Variants in MIR2052HG observed in about 807,000 individuals in gnomAD.
MIR2052HG encodes MIR2052 host gene.
chr8:74,712,293 T>C (rs1222565866), intron 4 of MIR2052HG, among the ~76,000 whole-genome samples: 1 of 152,126 alleles, frequency 6.6e-6, no homozygotes, highest in Non-Finnish European at 1.5e-5. Flanking sequence ...TATGACTAGA[T>C]AGAGCATGGA....
At chr8:74,691,021 C>T (rs1220774919) in intron 2 of MIR2052HG, among the ~76,000 whole-genome samples, 9 of 151,892 alleles carry the variant, frequency 5.9e-5, no homozygotes, top group Admixed American at 5.9e-4. Context: ...ATTATTGGGT[C>T]GAGAACGTAA....
At chr8:74,723,110 A>C (rs12677250) in intron 4 of MIR2052HG, among the ~76,000 whole-genome samples, 1 of 152,228 alleles carries the variant, frequency 6.6e-6, no homozygotes, top group East Asian at 1.9e-4. Flanking sequence ...ATTTGGGCTC[A>C]TGAAGAAAAT....
intron 2 of MIR2052HG, among the ~76,000 whole-genome samples, chr8:74,675,894 G>A (rs536442266): frequency 1.3e-5 from 2 of 151,604 alleles, no homozygotes; most frequent in Non-Finnish European, 2.9e-5. Context: ...TATTAGTATC[G>A]GTCCGATAAA....
At chr8:74,615,502 C>T (rs1159252187) in intron 2 of MIR2052HG, among the ~76,000 whole-genome samples, 1 of 152,116 alleles carries the variant, frequency 6.6e-6, no homozygotes, top group Non-Finnish European at 1.5e-5. Flanking sequence ...ACTGTATCCA[C>T]TCTTCAAACT....
At chr8:74,667,245 G>C (rs1288283342) in intron 2 of MIR2052HG, among the ~76,000 whole-genome samples, 1 of 152,142 alleles carries the variant, frequency 6.6e-6, no homozygotes, top group Non-Finnish European at 1.5e-5. Context: ...TTGGAGCCTG[G>C]CTGTCACTAT....
intron 2 of MIR2052HG, chr8:74,625,220 T>C (rs1055979031): frequency 6.6e-6 from 1 of 152,096 alleles, no homozygotes; most frequent in South Asian, 2.1e-4. Context: ...CACCATGCCA[T>C]GTTAATTTTT....
chr8:74,603,295 C>T (rs1406263331), intron 1 of MIR2052HG: 3 of 1,574,076 alleles, frequency 1.9e-6, no homozygotes, highest in African/African-American at 2.7e-5. Context: ...GTTCTAGCTG[C>T]TCCCCATGCC....
chr8:74,608,310 T>C (rs1368445760), intron 1 of MIR2052HG, among the ~76,000 whole-genome samples: 1 of 152,040 alleles, frequency 6.6e-6, no homozygotes, highest in East Asian at 1.9e-4. Flanking sequence ...AAATAGGGAA[T>C]GGGGGAAATG....
chr8:74,635,404 T>C (rs1808570798), intron 2 of MIR2052HG, among the ~76,000 whole-genome samples: 1 of 152,138 alleles, frequency 6.6e-6, no homozygotes, highest in Admixed American at 6.6e-5. Flanking sequence ...GAGATGTCAT[T>C]TGCACTGGTC....
intron 5 of MIR2052HG, among the ~76,000 whole-genome samples, chr8:74,753,977 C>T (rs1809974436): frequency 6.6e-6 from 1 of 152,038 alleles, no homozygotes; most frequent in African/African-American, 2.4e-5. Flanking sequence ...ATAATGTTAC[C>T]AATAATGGGC....
Position 74,615,833 on chromosome 8 carries a change from T to G in MIR2052HG, n.216+2893T>G, listed in dbSNP as rs186536363. Among the ~76,000 whole-genome samples the G allele has an allele frequency of 9.4e-3, 1,436 of 152,184 alleles. 9 individuals are homozygous for G. Among genetic ancestry groups the G allele is most frequent in the Non-Finnish European group, 0.016 (1,099 of 68,014 alleles). On this transcript the variant is annotated intron_variant and non_coding_transcript_variant, in intron 2 of 6. Transcript: ENST00000523442. The stretch of plus-strand genomic sequence containing the variant: ...GTGTCCAAGTGTTATCATTGTTCGA[T>G]TCTCACCTATGAGTGAGAACATGTG...
chr8:74,726,572 A>T (rs1256310551), intron 4 of MIR2052HG, among the ~76,000 whole-genome samples: 1 of 152,232 alleles, frequency 6.6e-6, no homozygotes. Context: ...GGTGTCACAC[A>T]AAGTAAATCA....
chr8:74,721,726 T>C lies in MIR2052HG; in HGVS notation n.371+18044T>C, dbSNP rs796584689. 2.6e-4 allele frequency among the ~76,000 whole-genome samples: 39 copies of C among 152,350 alleles called. 1 individual carries two copies. Among genetic ancestry groups the C allele is most frequent in the African/African-American group, 8.9e-4 (37 of 41,582 alleles). On this transcript the variant is annotated intron_variant and non_coding_transcript_variant, in intron 4 of 6. Transcript: ENST00000523442. ...CTGGCATAGTGTCATCTCTGCCATG[T>C]ATTTTGATCAGAGCAAGTCACAAAT...
chr8:74,728,697 C>T (rs1031465651), intron 4 of MIR2052HG, among the ~76,000 whole-genome samples: 1 of 151,904 alleles, frequency 6.6e-6, no homozygotes, highest in African/African-American at 2.4e-5. Flanking sequence ...GAGACAAATG[C>T]TAGTAATTAA....
chr8:74,683,370 A>G (rs1809145840), intron 2 of MIR2052HG, among the ~76,000 whole-genome samples: 1 of 152,124 alleles, frequency 6.6e-6, no homozygotes, highest in South Asian at 2.1e-4. Context: ...TATTAGTTGG[A>G]AATGGAAGTC....
intron 4 of MIR2052HG, among the ~76,000 whole-genome samples, chr8:74,722,817 G>C (rs530025349): frequency 6.6e-6 from 1 of 152,314 alleles, no homozygotes; most frequent in South Asian, 2.1e-4. Context: ...TATAGTGGAA[G>C]GAAGGGAGAT....
In MIR2052HG at chr8:74,717,560, G is replaced by A. The variant is rs374195064; in HGVS notation, n.371+13878G>A. Among the ~76,000 whole-genome samples the A allele has an allele frequency of 1.9e-4, 29 of 152,176 alleles. No individual in the cohort carries two copies. The East Asian group carries it at 3.9e-3, about 20-fold the overall frequency. ...TAGCCCGGTGTTGTGGCTCTTGCCC[G>A]TAATCCCAGCATTTTGGGAGGTTGA... On this transcript the variant is annotated intron_variant and non_coding_transcript_variant, in intron 4 of 6. Coordinates refer to ENST00000523442, the Ensembl canonical transcript of MIR2052HG.
Position 74,684,800 on chromosome 8 carries a change from C to T in MIR2052HG, n.217-17579C>T, listed in dbSNP as rs550738516. On this transcript the variant is annotated intron_variant and non_coding_transcript_variant, in intron 2 of 6. Transcript: ENST00000523442. ...AAGGTGTGTTCAAGTGAGATTAAGT[C>T]AGCAGATAATCTAGACAGTGACAAA... Among the ~76,000 whole-genome samples the T allele has an allele frequency of 5.0e-4, 76 of 152,202 alleles. No homozygotes were observed. The South Asian group carries it at 0.015, about 29-fold the overall frequency.
At chr8:74,733,163 G>T (rs2128755000) in intron 4 of MIR2052HG, among the ~76,000 whole-genome samples, 1 of 151,964 alleles carries the variant, frequency 6.6e-6, no homozygotes, top group East Asian at 1.9e-4. Context: ...CATGTGCCAT[G>T]CTGGTGCGCT....
Sources: gnomAD v4.1 joint callset for allele counts (sites outside exome capture counted in the v4.1 genomes callset) on GRCh38, gnomAD v4.1.1 for gene constraint, MANE v1.5 for transcripts, NCBI Gene and HGNC (gene_info 2026-07-23, HGNC 2026-07-21) for gene names.